The following CCSER1 variants were observed in gnomAD, a reference collection of about 807,000 sequenced individuals.
CCSER1 encodes the protein serine-rich coiled-coil domain-containing protein 1.
CCSER1 carries 41 observed loss-of-function variants against 82.0 expected under a neutral mutation model. The observed-to-expected ratio is 0.50, with a 90% CI of 0.39 to 0.65. The LOEUF (loss-of-function observed/expected upper bound fraction) is 0.65. Ranked by LOEUF, CCSER1 falls within the 30% of genes least tolerant of loss-of-function variation. The probability of loss-of-function intolerance (pLI) is 0.00; values close to 1 mark genes in which losing one functional copy is unlikely to be tolerated. For synonymous variants in CCSER1, 414 were observed against 383.9 expected (o/e 1.08, Z -0.92); for missense variants, 1,119 against 1,064.2 (o/e 1.05, Z -0.72).
intron 1 of CCSER1, among the ~76,000 whole-genome samples, chr4:90,150,138 A>G (rs549583252): frequency 6.6e-6 from 1 of 152,308 alleles, no homozygotes; most frequent in African/African-American, 2.4e-5. Flanking sequence ...CATAATAGCA[A>G]GGGCTGATTT....
intron 1 of CCSER1, among the ~76,000 whole-genome samples, chr4:90,303,146 G>A (rs1056303049): frequency 6.6e-6 from 1 of 152,114 alleles, no homozygotes; most frequent in African/African-American, 2.4e-5. Flanking sequence ...TATCTATGAT[G>A]TTTTTACTTA....
intron 10 of CCSER1, among the ~76,000 whole-genome samples, chr4:91,327,093 T>C (rs1430079169): frequency 6.6e-6 from 1 of 152,208 alleles, no homozygotes; most frequent in Non-Finnish European, 1.5e-5. Context: ...GTCTAGAATA[T>C]GGTGGCCCTC....
chr4:90,330,124 A>G (rs34407211), intron 3 of CCSER1, among the ~76,000 whole-genome samples: 24,891 of 152,096 alleles, frequency 0.16, 2,603 homozygotes, highest in South Asian at 0.23. Flanking sequence ...AAGATCTCTA[A>G]TCTTTTGTGA....
chr4:91,537,804 A>G (rs1171707320), intron 10 of CCSER1, among the ~76,000 whole-genome samples: 2 of 116,162 alleles, frequency 1.7e-5, no homozygotes, highest in Non-Finnish European at 3.6e-5. Flanking sequence ...TATATATTCC[A>G]TGTAAAACCA....
At chr4:90,814,371 C>A (rs2149757873) in intron 7 of CCSER1, among the ~76,000 whole-genome samples, 1 of 152,278 alleles carries the variant, frequency 6.6e-6, no homozygotes, top group Non-Finnish European at 1.5e-5. Context: ...TCTGAAATGA[C>A]CTGGAGACAT....
chr4:90,982,398 A>T (rs1736196681), intron 9 of CCSER1, among the ~76,000 whole-genome samples: 1 of 151,722 alleles, frequency 6.6e-6, no homozygotes, highest in African/African-American at 2.4e-5. Context: ...GTTTCCACAT[A>T]TGAATTTGAA....
At chr4:90,513,827 C>A (rs1249584566) in intron 5 of CCSER1, among the ~76,000 whole-genome samples, 1 of 152,048 alleles carries the variant, frequency 6.6e-6, no homozygotes, top group African/African-American at 2.4e-5. Flanking sequence ...TGGACAACTA[C>A]AAAGATGAGG....
chr4:90,280,394 C>T (rs991923010), intron 1 of CCSER1, among the ~76,000 whole-genome samples: 2 of 151,702 alleles, frequency 1.3e-5, no homozygotes, highest in South Asian at 4.2e-4. Context: ...CTTCCATCTC[C>T]TGTTTTTTTC....
chr4:90,393,074 T>C (rs1193822160), intron 3 of CCSER1, among the ~76,000 whole-genome samples: 2 of 152,250 alleles, frequency 1.3e-5, no homozygotes, highest in African/African-American at 2.4e-5. Flanking sequence ...TCTATTCCTA[T>C]GTCTTGCTCT....
At chr4:90,373,221 A>G (rs571299090) in intron 3 of CCSER1, among the ~76,000 whole-genome samples, 1 of 152,306 alleles carries the variant, frequency 6.6e-6, no homozygotes, top group African/African-American at 2.4e-5. Context: ...CGAGACATAT[A>G]AAGTGAAAAT....
intron 4 of CCSER1, among the ~76,000 whole-genome samples, chr4:90,456,708 C>T (rs1007054961): frequency 2.0e-5 from 3 of 152,212 alleles, no homozygotes; most frequent in African/African-American, 4.8e-5. Context: ...CTATGCTAGT[C>T]ACTTTCAACT....
At chr4:90,437,176 C>CAGG (rs1321393904) in intron 4 of CCSER1, among the ~76,000 whole-genome samples, 1 of 151,984 alleles carries the variant, frequency 6.6e-6, no homozygotes, top group Non-Finnish European at 1.5e-5. Flanking sequence ...GGAAGAGAAA[C>CAGG]AAGTACTCAT....
chr4:90,629,327 A>G (rs914176429), intron 6 of CCSER1, among the ~76,000 whole-genome samples: 1 of 152,164 alleles, frequency 6.6e-6, no homozygotes, highest in Non-Finnish European at 1.5e-5. Context: ...ACCTGAGGCT[A>G]GGTAATTTAT....
At chr4:91,086,048 T>C in intron 10 of CCSER1, 54 bp downstream of exon 10, 2 of 1,065,020 alleles carry the variant, frequency 1.9e-6, no homozygotes, top group South Asian at 1.4e-5. Context: ...GGCTATGGTG[T>C]TGCAGTGATG....
rs958958381 is a variant in CCSER1, at chr4:90,554,659, G to A, written c.1725-73366G>A. Among the ~76,000 whole-genome samples the A allele has an allele frequency of 1.1e-3, 160 of 152,240 alleles. 1 individual carries two copies. Among genetic ancestry groups the A allele is most frequent in the Non-Finnish European group, 4.4e-5 (3 of 68,010 alleles). On this transcript the variant is annotated intron_variant, in intron 5 of 10. Transcript: ENST00000509176. ...CCAAGGACAGGAGCTAAAGTATAAC[G>A]GAGAATATCCAAATTTTAAGGAAGT...
intron 3 of CCSER1, among the ~76,000 whole-genome samples, chr4:90,357,809 A>G (rs1296676673): frequency 1.3e-5 from 2 of 152,026 alleles, no homozygotes; most frequent in Non-Finnish European, 2.9e-5. Context: ...TTCTAAAACT[A>G]TCGTGTCAGC....
At chr4:91,369,257 C>T (rs1749846946) in intron 10 of CCSER1, among the ~76,000 whole-genome samples, 1 of 152,200 alleles carries the variant, frequency 6.6e-6, no homozygotes, top group Admixed American at 6.5e-5. Flanking sequence ...AAGGGGATTG[C>T]TCCTTCAGCC....
intron 7 of CCSER1, among the ~76,000 whole-genome samples, chr4:90,736,317 A>G (rs989270838): frequency 4.6e-5 from 7 of 152,058 alleles, no homozygotes; most frequent in Non-Finnish European, 8.8e-5. Context: ...GAAGTCCCCA[A>G]GTATTATTGT....
chr4:90,945,866 A>G (rs929440234), intron 9 of CCSER1, among the ~76,000 whole-genome samples: 4 of 152,172 alleles, frequency 2.6e-5, no homozygotes, highest in South Asian at 4.1e-4. Context: ...AAAGTTTTAC[A>G]TATTTTAAAT....
Sources: gnomAD v4.1 joint callset for allele counts (sites outside exome capture counted in the v4.1 genomes callset) on GRCh38, gnomAD v4.1.1 for gene constraint, MANE v1.5 for transcripts, NCBI Gene and HGNC (gene_info 2026-07-23, HGNC 2026-07-21) for gene names.